Variants in POP1 observed in about 807,000 individuals in gnomAD.
POP1 encodes the protein ribonucleases P/MRP protein subunit POP1.
Under a neutral mutation model 102.2 loss-of-function variants are expected in POP1, and 75 were observed. The observed-to-expected ratio is 0.73, with a 90% CI of 0.61 to 0.89. The LOEUF (loss-of-function observed/expected upper bound fraction) is 0.89, where lower values mean the gene tolerates loss of function less well. POP1 is among the 40% of genes least tolerant of loss of function. POP1 has a pLI of 0.00. For missense variants in POP1, 1,116 were observed against 1,267.4 expected (o/e 0.88, Z 1.81); for synonymous variants, 436 against 464.1 (o/e 0.94, Z 0.78).
In POP1 at chr8:98,150,638, A is replaced by C; in HGVS notation, c.2056A>C (p.Arg686=). The C allele has an allele frequency of 6.2e-7, 1 of 1,614,094 alleles. No homozygotes were observed. The highest frequency in any genetic ancestry group is 1.1e-5 in the South Asian group (1 of 91,084). ...TAAGAATCTTCTTGAAAAGTACAAA[A>C]GGTAAGAAACTGGCTTCTCTAATTT... ...QAKNLLEKYK[R]RPPAKRPNYV... is the part of the protein sequence containing the mutation. The change falls in exon 14 of 16, where the codon AGA becomes CGA. Residue 686 remains arginine, a splice_region_variant and synonymous_variant. Transcript: ENST00000401707.
chr8:98,158,664 A>G lies in POP1; in HGVS notation c.*393A>G, dbSNP rs535584385. Reference sequence around the variant, plus strand: ...GCAACAATAGATGTTTAATGATTTCACTGTTATAGCAGAAGACAAGAGAAG... The same window carrying G: ...GCAACAATAGATGTTTAATGATTTCGCTGTTATAGCAGAAGACAAGAGAAG... On this transcript the variant is annotated 3_prime_UTR_variant, in exon 16 of 16. Transcript: ENST00000401707. The G allele has an allele frequency of 1.1e-4, 23 of 212,794 alleles. No homozygotes were observed. The South Asian group carries it at 1.6e-3, about 15-fold the overall frequency. The allele number at this position is 212,794 out of a possible 1,614,324, so 13.2% of individuals were successfully genotyped here.
Position 98,156,159 on chromosome 8 carries a change from G to T in POP1, c.2167G>T (p.Glu723Ter). The T allele has an allele frequency of 6.2e-7, 1 of 1,614,082 alleles. No homozygotes were observed. Among genetic ancestry groups the T allele is most frequent in the Non-Finnish European group, 8.5e-7 (1 of 1,180,018 alleles). Residue 723 changes from glutamate (E) to a stop codon, truncating the protein, a stop_gained, in exon 15 of 16, where the codon GAA (glutamate) becomes TAA (stop). Coordinates refer to ENST00000401707, the MANE Select transcript of POP1 (RefSeq NM_001145860.2). LOFTEE classifies it high-confidence loss of function. Reference protein sequence around the residue: ...QDWESRVQAYEEPSVASSPNG... With the variant: ...QDWESRVQAY Reference sequence around the variant, plus strand: ...CTGGGAGTCAAGAGTCCAGGCTTACGAAGAACCTTCTGTAGCTTCATCTCC... The same window carrying T: ...CTGGGAGTCAAGAGTCCAGGCTTACTAAGAACCTTCTGTAGCTTCATCTCC...
Position 98,157,936 on chromosome 8 carries a change from A to G in POP1, c.2740A>G (p.Lys914Glu). ...GAGCAAGATCCTGAAACAGAAAGAGAAGAAGAAAAGGGAGAAGAGGCAGAA... is the reference window on the plus strand; with the variant it reads ...GAGCAAGATCCTGAAACAGAAAGAGGAGAAGAAAAGGGAGAAGAGGCAGAA... ...FRSKILKQKE[K>E]KKREKRQKPG... Residue 914 changes from lysine to glutamate, a missense_variant, in exon 16 of 16, where the codon AAG becomes GAG. By Grantham distance (56) the Lys-to-Glu change is moderately conservative. Transcript: ENST00000401707. 2 of 1,614,052 alleles carry G rather than the reference A, an allele frequency of 1.2e-6. No homozygotes were observed. Among genetic ancestry groups the G allele is most frequent in the Non-Finnish European group, 1.7e-6 (2 of 1,180,036 alleles).
intron 14 of POP1, 21 bp from the exon 15 acceptor site, chr8:98,156,029 C>T: frequency 6.2e-7 from 1 of 1,610,404 alleles, no homozygotes; most frequent in African/African-American, 1.3e-5. Flanking sequence ...AACATTGGTT[C>T]TCCTGTATGT....
At chr8:98,127,884 CT>C in intron 3 of POP1, 122 bp downstream of exon 3, 1 of 1,042,302 alleles carries the variant, frequency 9.6e-7, no homozygotes, top group Non-Finnish European at 1.5e-6. Context: ...CCTCCTCCTA[CT>C]TTAGACCCTT....
intron 1 of POP1, among the ~76,000 whole-genome samples, chr8:98,118,960 G>A (rs1253712425): frequency 6.6e-6 from 1 of 152,020 alleles, no homozygotes; most frequent in Non-Finnish European, 1.5e-5. Context: ...TCTGTGCTTC[G>A]ATTTCTTCAT....
chr8:98,137,039 A>G (rs1298269108), intron 9 of POP1, 85 bp downstream of exon 9: 2 of 1,221,826 alleles, frequency 1.6e-6, no homozygotes, highest in African/African-American at 3.0e-5. Context: ...ATTTGGTAAC[A>G]TTTTGGGCCA....
Position 98,130,120 on chromosome 8 carries a change from A to G in POP1, c.629A>G (p.Lys210Arg). 6.2e-7 allele frequency: 1 copy of G among 1,614,218 alleles called. No homozygotes were observed. The highest frequency in any genetic ancestry group is 8.5e-7 in the Non-Finnish European group (1 of 1,180,038). Reference sequence around the variant, plus strand: ...TTAGAAACTCACATCTGGCACGCCAAGCGGTTTCATATGGTCAAGAAGTGG... The same window carrying G: ...TTAGAAACTCACATCTGGCACGCCAGGCGGTTTCATATGGTCAAGAAGTGG... ...IWLETHIWHA[K>R]RFHMVKKWGY... is the part of the protein sequence containing the mutation. The change falls in exon 5 of 16, where the codon AAG becomes AGG. Residue 210 changes from lysine (K) to arginine (R), a missense_variant. By Grantham distance (26) the Lys-to-Arg change is conservative. Coordinates refer to ENST00000401707, the MANE Select transcript of POP1 (RefSeq NM_001145860.2).
chr8:98,155,434 C>G (rs1459059608), intron 14 of POP1, among the ~76,000 whole-genome samples: 1 of 151,860 alleles, frequency 6.6e-6, no homozygotes, highest in African/African-American at 2.4e-5. Flanking sequence ...GCATGTGCCA[C>G]CACACCCAGC....
At chr8:98,155,857 G>A in intron 14 of POP1, 193 bp from the exon 15 acceptor site, 2 of 630,934 alleles carry the variant, frequency 3.2e-6, no homozygotes, top group Non-Finnish European at 5.3e-6. Context: ...TTACAGGCAT[G>A]AGCCACTGAG....
intron 5 of POP1, among the ~76,000 whole-genome samples, chr8:98,133,415 T>C (rs1335053047): frequency 6.6e-6 from 1 of 152,162 alleles, no homozygotes; most frequent in East Asian, 1.9e-4. Flanking sequence ...GGGAGAAATA[T>C]GGGATGGATT....
chr8:98,140,431 A>T (rs1476019168), intron 10 of POP1, among the ~76,000 whole-genome samples: 1 of 152,220 alleles, frequency 6.6e-6, no homozygotes, highest in Non-Finnish European at 1.5e-5. Context: ...GTGGAGATAA[A>T]TGCATACACC....
rs546914290 is a variant in POP1 at position 98,138,317 on chromosome 8, T to C, written c.1362+1363T>C. Among the ~76,000 whole-genome samples, 9 of 74,100 alleles carry C rather than the reference T, an allele frequency of 1.2e-4. No individual in the cohort carries two copies. In the South Asian group the frequency reaches 3.1e-3, roughly 25 times the overall value. 48.6% of individuals were successfully genotyped at this position (74,100 alleles called of 152,430 possible). A position where few individuals can be genotyped will look rare whatever the true frequency, so the allele number is the denominator to read the frequency against. ...CTTGCCTCTGAGGCCTCATTTCTCC[T>C]CACCCTTCTACACTTCAGCCACCCT... is the stretch of plus-strand genomic sequence containing the variant. On this transcript the variant is annotated intron_variant, in intron 9 of 15. Coordinates refer to ENST00000401707, the MANE Select transcript of POP1 (RefSeq NM_001145860.2).
At chr8:98,150,733 A>C in intron 14 of POP1, 94 bp downstream of exon 14, 1 of 1,226,734 alleles carries the variant, frequency 8.2e-7, no homozygotes, top group South Asian at 1.3e-5. Flanking sequence ...GGCTTTGGTA[A>C]TTTCATAGAC....
chr8:98,130,957 A>G (rs1176603612), intron 5 of POP1, among the ~76,000 whole-genome samples: 2 of 152,204 alleles, frequency 1.3e-5, no homozygotes, highest in East Asian at 3.8e-4. Flanking sequence ...CTTCCAATAC[A>G]TACTTAGACA....
chr8:98,130,640 C>T (rs1816356665), intron 5 of POP1, among the ~76,000 whole-genome samples: 1 of 152,186 alleles, frequency 6.6e-6, no homozygotes, highest in Admixed American at 6.6e-5. Context: ...AACAAGGCAA[C>T]ATCAGGGCAA....
At chr8:98,133,397 C>G (rs962472489) in intron 5 of POP1, among the ~76,000 whole-genome samples, 2 of 152,104 alleles carry the variant, frequency 1.3e-5, no homozygotes, top group South Asian at 2.1e-4. Context: ...ATGGTCAAGA[C>G]TGAGTATGGG....
At position 98,128,316 on chromosome 8, in the gene POP1, A is replaced by G. The variant is rs2447508; in HGVS notation, c.311-49A>G. 188 of 1,579,374 alleles carry G rather than the reference A, an allele frequency of 1.2e-4. No individual in the cohort carries two copies. The East Asian group carries it at 2.8e-3, about 24-fold the overall frequency. ...TCCCCAGCAGCCTGTTTATTCTCCA[A>G]TGTTAATTCAAGATTGGTGTTTAAT... On this transcript the variant is annotated intron_variant, in intron 3 of 15. Coordinates refer to ENST00000401707, the MANE Select transcript of POP1 (RefSeq NM_001145860.2).
In POP1 at chr8:98,149,094, T is replaced by C. The variant is rs373232808; in HGVS notation, c.1902+88T>C. On this transcript the variant is annotated intron_variant, in intron 13 of 15. Coordinates refer to ENST00000401707, the MANE Select transcript of POP1 (RefSeq NM_001145860.2). ...TACTCAAAATGTTCCAGACTTTATG[T>C]ACAACTTAGGAGGAATTGAGTGGTG... is the stretch of plus-strand genomic sequence containing the variant. 1.0e-5 allele frequency: 13 copies of C among 1,291,986 alleles called. No individual in the cohort carries two copies. The East Asian group carries it at 2.0e-4, about 20-fold the overall frequency. 80.0% of individuals were successfully genotyped at this position (1,291,986 alleles called of 1,614,324 possible). A position where few individuals can be genotyped will look rare whatever the true frequency, so the allele number is the denominator to read the frequency against.
Sources: allele counts gnomAD v4.1 joint callset (sites outside exome capture counted in the v4.1 genomes callset), GRCh38; gene constraint gnomAD v4.1.1; transcripts MANE v1.5; gene names NCBI Gene and HGNC (gene_info 2026-07-23, HGNC 2026-07-21).